TNRC6A: variants seen among roughly 807,000 people sequenced by gnomAD.
TNRC6A encodes the protein trinucleotide repeat containing adaptor 6A, also known as trinucleotide repeat-containing gene 6A protein.
Under a neutral mutation model 221.2 loss-of-function variants are expected in TNRC6A, and 44 were observed. The ratio of observed to expected loss-of-function variants is 0.20; its 90% CI spans 0.16 to 0.26. The LOEUF (loss-of-function observed/expected upper bound fraction) is 0.26, where lower values mean the gene tolerates loss of function less well. Ranked by LOEUF, TNRC6A falls within the 10% of genes least tolerant of loss-of-function variation. TNRC6A has a pLI of 1.00. For missense variants in TNRC6A, 2,199 were observed against 2,404.4 expected, an observed-to-expected ratio of 0.91 and a Z score of 1.79; for synonymous variants, 847 against 838.5, an observed-to-expected ratio of 1.01 and a Z score of -0.18.
Position 24,721,664 on chromosome 16 carries a change from C to T in TNRC6A, n.403-29062C>T, listed in dbSNP as rs143072349. 3.8e-3 allele frequency among the ~76,000 whole-genome samples: 579 copies of T among 152,152 alleles called. 2 individuals carry two copies. Among genetic ancestry groups the T allele is most frequent in the South Asian group, 0.014 (69 of 4,830 alleles). ...TCTACAAATAATACAAAAATTAGCC[C>T]GGCCTGGTGGTGCATGCCTTTGGTC... is the stretch of plus-strand genomic sequence containing the variant. On this transcript the variant is annotated intron_variant and non_coding_transcript_variant, in intron 2 of 2. Transcript: ENST00000566108.
At chr16:24,805,802 CTG>C in intron 15 of TNRC6A, 69 bp downstream of exon 15, 1 of 1,592,562 alleles carries the variant, frequency 6.3e-7, no homozygotes, top group Non-Finnish European at 8.6e-7. Context: ...ACACTAGACT[CTG>C]TGCGGGACAT....
At chr16:24,716,989 C>T (rs1390063017) in intron 2 of TNRC6A, among the ~76,000 whole-genome samples, 1 of 129,984 alleles carries the variant, frequency 7.7e-6, no homozygotes, top group Non-Finnish European at 1.8e-5. Context: ...AAAAAGAAAA[C>T]TTGAATGAAT....
At position 24,822,878 on chromosome 16, in the gene TNRC6A, A is replaced by G; in HGVS notation, c.5378A>G (p.Asp1793Gly). 6.2e-7 allele frequency: 1 copy of G among 1,613,446 alleles called. No individual in the cohort carries two copies. The highest frequency in any genetic ancestry group is 8.5e-7 in the Non-Finnish European group (1 of 1,179,980). ...LVLKNLTPQIDGSTLRTLCMQ... is the reference protein window; with the variant it reads ...LVLKNLTPQIGGSTLRTLCMQ... ...AGTTTCCACACTGTTTCCTAGATCG[A>G]TGGCTCAACTCTGCGCACTCTGTGC... The change falls in exon 24 of 25, where the codon GAT (aspartate) becomes GGT (glycine). Residue 1793 changes from aspartate (D) to glycine (G), a missense_variant. By Grantham distance (94) the Asp-to-Gly change is moderately conservative (BLOSUM62 -1). Coordinates refer to ENST00000395799, the MANE Select transcript of TNRC6A (RefSeq NM_014494.4).
chr16:24,664,798 C>A (rs1377502193), intron 2 of TNRC6A: 8 of 437,292 alleles, frequency 1.8e-5, no homozygotes, highest in African/African-American at 4.1e-5. Flanking sequence ...CACACACACA[C>A]ACACACACAC....
intron 2 of TNRC6A, among the ~76,000 whole-genome samples, chr16:24,692,109 A>G (rs2142137015): frequency 6.6e-6 from 1 of 152,284 alleles, no homozygotes; most frequent in Non-Finnish European, 1.5e-5. Context: ...GGTCTCTAAC[A>G]TGGGGTTTCC....
chr16:24,803,404 G>A (rs918495287), intron 11 of TNRC6A: 2 of 151,772 alleles, frequency 1.3e-5, no homozygotes, highest in African/African-American at 2.4e-5. Flanking sequence ...GGGCTACAGA[G>A]TGAGACCCCT....
intron 2 of TNRC6A, among the ~76,000 whole-genome samples, chr16:24,716,245 G>A (rs1209161930): frequency 6.6e-6 from 1 of 152,174 alleles, no homozygotes; most frequent in Non-Finnish European, 1.5e-5. Flanking sequence ...TTTGCTTGAT[G>A]TCTAATGTTT....
At chr16:24,814,297 C>T (rs982499341) in intron 18 of TNRC6A, among the ~76,000 whole-genome samples, 4 of 151,692 alleles carry the variant, frequency 2.6e-5, no homozygotes, top group African/African-American at 7.3e-5. Context: ...GCTGGAGTTG[C>T]GAGCGAGGTT....
At chr16:24,734,607 T>A (rs2151207021) in intron 2 of TNRC6A, among the ~76,000 whole-genome samples, 1 of 152,338 alleles carries the variant, frequency 6.6e-6, no homozygotes, top group African/African-American at 2.4e-5. Context: ...CAAGTTTATA[T>A]TCTCTGTCAA....
At chr16:24,642,797 C>T (rs979113021) in intron 2 of TNRC6A, among the ~76,000 whole-genome samples, 12 of 151,858 alleles carry the variant, frequency 7.9e-5, no homozygotes, top group African/African-American at 1.9e-4. Context: ...TACAGCCGGG[C>T]GACACAGTGA....
In TNRC6A at chr16:24,791,219, A is replaced by G. The variant is rs1567482320; in HGVS notation, c.2577A>G (p.Glu859=). The change falls in exon 6 of 25, where the codon GAA becomes GAG. Residue 859 remains glutamate (E), a synonymous_variant. Transcript: ENST00000395799. The part of the protein sequence containing the change: ...WSVSASDNWG[E]TSRNNHWGEA... ...TTTCTGCCAGTGATAACTGGGGAGA[A>G]ACTTCAAGGAATAACCATTGGGGTG... 2 of 1,614,176 alleles carry G rather than the reference A, an allele frequency of 1.2e-6. No individual in the cohort carries two copies. The highest frequency in any genetic ancestry group is 1.3e-5 in the African/African-American group (1 of 75,046).
At chr16:24,801,616 C>T (rs1293628072) in intron 11 of TNRC6A, among the ~76,000 whole-genome samples, 3 of 149,760 alleles carry the variant, frequency 2.0e-5, no homozygotes, top group African/African-American at 4.9e-5. Context: ...ACCTCTGCCT[C>T]CCAGGTTCAA....
rs761996274 is a variant in TNRC6A, at chr16:24,804,187, A to G, written c.3705A>G (p.Gln1235=). 1.2e-5 allele frequency: 20 copies of G among 1,607,280 alleles called. No individual in the cohort carries two copies. The highest frequency in any genetic ancestry group is 1.7e-5 in the Non-Finnish European group (20 of 1,178,444). The part of the protein sequence containing the change: ...NKMDLSGGML[Q]DKRMEIDKHS... ...TCCTGCCTTTATTAGGAATGTTACA[A>G]GACAAACGAATGGAGATAGATAAAC... The change falls in exon 12 of 25, where the codon CAA becomes CAG. Residue 1235 remains glutamine, a synonymous_variant. Transcript: ENST00000395799.
At chr16:24,779,706 A>G (rs2057798932) in intron 5 of TNRC6A, among the ~76,000 whole-genome samples, 1 of 152,208 alleles carries the variant, frequency 6.6e-6, no homozygotes, top group Non-Finnish European at 1.5e-5. Flanking sequence ...ACAAGGTACT[A>G]GTTAGTATAA....
At chr16:24,673,862 G>A (rs2055354698) in intron 2 of TNRC6A, among the ~76,000 whole-genome samples, 1 of 152,154 alleles carries the variant, frequency 6.6e-6, no homozygotes. Flanking sequence ...CCGGCCTCAA[G>A]AAATATTTTC....
intron 1 of TNRC6A, among the ~76,000 whole-genome samples, chr16:24,610,861 A>AG (rs1488606383): frequency 3.3e-5 from 5 of 151,920 alleles, no homozygotes; most frequent in Middle Eastern, 3.4e-3. Context: ...CCCAGGCTGG[A>AG]GTGCAGTGGC....
intron 2 of TNRC6A, chr16:24,663,704 A>G: frequency 2.9e-6 from 1 of 339,584 alleles, no homozygotes; most frequent in Non-Finnish European, 5.9e-6. Flanking sequence ...CACACGCAAA[A>G]CACTGCCAAC....
chr16:24,758,996 C>T (rs1204931935), intron 4 of TNRC6A, among the ~76,000 whole-genome samples: 1 of 152,064 alleles, frequency 6.6e-6, no homozygotes, highest in African/African-American at 2.4e-5. Context: ...CTCTCAGGTG[C>T]TGAACTTATT....
chr16:24,622,405 A>T (rs1900723151), intron 1 of TNRC6A, among the ~76,000 whole-genome samples: 1 of 152,162 alleles, frequency 6.6e-6, no homozygotes, highest in Admixed American at 6.6e-5. Context: ...GTTCGAGACC[A>T]GCCTGGCCAA....
Sources: allele counts gnomAD v4.1 joint callset (sites outside exome capture counted in the v4.1 genomes callset), GRCh38; gene constraint gnomAD v4.1.1; transcripts MANE v1.5; gene names NCBI Gene and HGNC (gene_info 2026-07-23, HGNC 2026-07-21).